CSMD3: variants seen among roughly 807,000 people sequenced by gnomAD.
CSMD3 encodes the protein CUB and sushi domain-containing protein 3.
CSMD3 carries 177 observed loss-of-function variants against 435.2 expected under a neutral mutation model. That is an observed-to-expected ratio of 0.41 (90% confidence interval 0.36 to 0.46). The LOEUF (loss-of-function observed/expected upper bound fraction) is 0.46, where lower values mean the gene tolerates loss of function less well. Among genes scored for constraint, CSMD3 ranks in the 20% least tolerant of loss-of-function variants. CSMD3 has a pLI of 0.34. For missense variants in CSMD3, 4,265 were observed against 4,504.6 expected (o/e 0.95, Z 1.52); for synonymous variants, 1,656 against 1,520.5 (o/e 1.09, Z -2.07).
At chr8:113,222,992 C>G (rs1036370315) in intron 3 of CSMD3, among the ~76,000 whole-genome samples, 63 of 150,686 alleles carry the variant, frequency 4.2e-4, no homozygotes, top group African/African-American at 1.3e-3. Flanking sequence ...AGATCATGTT[C>G]CTCTTGTTTA....
chr8:112,801,243 G>GT lies in CSMD3; in HGVS notation c.1860-970dup, dbSNP rs571679086. On this transcript the variant is annotated intron_variant, in intron 12 of 70. Coordinates refer to ENST00000297405, the MANE Select transcript of CSMD3 (RefSeq NM_198123.2). ...TTTCATTGTAAAAACCTACGAGAGTGTTTAGTCTCTTAAATAGTGGCTCTA... is the reference window on the plus strand; with the variant it reads ...TTTCATTGTAAAAACCTACGAGAGTGTTTTAGTCTCTTAAATAGTGGCTCTA... 1.2e-3 allele frequency among the ~76,000 whole-genome samples: 177 copies of GT among 152,052 alleles called. 2 individuals are homozygous for GT. Among genetic ancestry groups the GT allele is most frequent in the African/African-American group, 4.0e-3 (166 of 41,526 alleles).
chr8:113,059,740 T>C (rs2088520922), intron 5 of CSMD3, among the ~76,000 whole-genome samples: 1 of 152,124 alleles, frequency 6.6e-6, no homozygotes, highest in Non-Finnish European at 1.5e-5. Flanking sequence ...GAAAGTTTGA[T>C]CTATTGGGAA....
At chr8:112,361,488 A>T (rs1329794041) in intron 38 of CSMD3, among the ~76,000 whole-genome samples, 3 of 149,456 alleles carry the variant, frequency 2.0e-5, no homozygotes, top group African/African-American at 7.3e-5. Context: ...CTGTATCAGA[A>T]ATGTTGTTAA....
At chr8:112,595,095 G>T (rs1445368788) in intron 22 of CSMD3, among the ~76,000 whole-genome samples, 2 of 149,766 alleles carry the variant, frequency 1.3e-5, no homozygotes, top group African/African-American at 2.4e-5. Context: ...CAAACCAAAG[G>T]CAAAGAAGTT....
At chr8:112,266,211 G>A (rs1271729242) in intron 59 of CSMD3, among the ~76,000 whole-genome samples, 1 of 152,104 alleles carries the variant, frequency 6.6e-6, no homozygotes, top group Non-Finnish European at 1.5e-5. Context: ...ATCCAACTCT[G>A]ACGATCCTCA....
At chr8:112,433,669 A>AAAAG (rs1554677508) in intron 32 of CSMD3, among the ~76,000 whole-genome samples, 2 of 144,872 alleles carry the variant, frequency 1.4e-5, no homozygotes, top group Admixed American at 6.7e-5. Context: ...AAAAAAAAAA[A>AAAAG]AAAGAAAGAA....
At chr8:113,374,424 T>C (rs958942582) in intron 1 of CSMD3, among the ~76,000 whole-genome samples, 1 of 152,106 alleles carries the variant, frequency 6.6e-6, no homozygotes, top group Non-Finnish European at 1.5e-5. Context: ...CCCAGCTTCC[T>C]TAAATTTTTT....
chr8:112,453,978 G>A (rs1342887477), intron 32 of CSMD3, among the ~76,000 whole-genome samples: 3 of 151,712 alleles, frequency 2.0e-5, no homozygotes, highest in Non-Finnish European at 4.4e-5. Flanking sequence ...AACCAAAGTC[G>A]ACAATAATAA....
intron 11 of CSMD3, among the ~76,000 whole-genome samples, chr8:112,830,702 T>G (rs1454328635): frequency 6.6e-6 from 1 of 151,912 alleles, no homozygotes. Context: ...TTAGTAATAT[T>G]TATAACTATT....
intron 1 of CSMD3, among the ~76,000 whole-genome samples, chr8:113,317,741 A>G (rs917583611): frequency 6.6e-6 from 1 of 152,170 alleles, no homozygotes. Context: ...CATTTTTAAT[A>G]GCGCAGTGTT....
At chr8:113,005,772 T>TA (rs975150825) in intron 6 of CSMD3, among the ~76,000 whole-genome samples, 4 of 152,042 alleles carry the variant, frequency 2.6e-5, no homozygotes, top group African/African-American at 9.7e-5. Context: ...CTCTTATTTT[T>TA]AAAAAATAAT....
intron 1 of CSMD3, among the ~76,000 whole-genome samples, chr8:113,325,785 T>A (rs1361239697): frequency 6.6e-6 from 1 of 152,132 alleles, no homozygotes; most frequent in East Asian, 1.9e-4. Context: ...TCACAGAAAG[T>A]TTCCTAAGTG....
chr8:113,179,106 G>T (rs531562010), intron 3 of CSMD3, among the ~76,000 whole-genome samples: 1 of 151,042 alleles, frequency 6.6e-6, no homozygotes, highest in African/African-American at 2.4e-5. Context: ...GTGATAAAAC[G>T]GATTATCAAA....
chr8:112,379,239 G>A (rs1829243855), intron 38 of CSMD3, among the ~76,000 whole-genome samples: 1 of 152,202 alleles, frequency 6.6e-6, no homozygotes, highest in Admixed American at 6.5e-5. Flanking sequence ...GGAAGTCAAG[G>A]TGGGTGGATC....
At chr8:113,355,722 T>TATATATATA (rs1563737826) in intron 1 of CSMD3, among the ~76,000 whole-genome samples, 1 of 77,796 alleles carries the variant, frequency 1.3e-5, no homozygotes, top group African/African-American at 4.6e-5. Flanking sequence ...AGTTTTATTT[T>TATATATATA]TATATATATA....
rs528056133 is a variant in CSMD3, at chr8:113,075,145, A to G, written c.917+23611T>C. ...TTAATTGACATACCACTTAATGTTA[A>G]TAACACTTGGGTAATACTGAAGATA... is the stretch of plus-strand genomic sequence containing the variant. On this transcript the variant is annotated intron_variant, in intron 5 of 70. Coordinates refer to ENST00000297405, the MANE Select transcript of CSMD3 (RefSeq NM_198123.2). Among the ~76,000 whole-genome samples, 28 of 151,930 alleles carry G rather than the reference A, an allele frequency of 1.8e-4. No homozygotes were observed. The South Asian group carries it at 4.4e-3, about 24-fold the overall frequency.
intron 11 of CSMD3, among the ~76,000 whole-genome samples, chr8:112,832,080 T>C (rs1447622664): frequency 3.9e-5 from 6 of 152,174 alleles, no homozygotes; most frequent in Non-Finnish European, 8.8e-5. Context: ...CATAAAATAA[T>C]AGATAAACAA....
chr8:112,229,141 T>C (rs1809425716), intron 69 of CSMD3, among the ~76,000 whole-genome samples: 1 of 152,122 alleles, frequency 6.6e-6, no homozygotes, highest in Admixed American at 6.5e-5. Flanking sequence ...GTTTATACAA[T>C]AGTGGGAAGA....
At chr8:112,350,956 A>G (rs1826085581) in intron 40 of CSMD3, among the ~76,000 whole-genome samples, 1 of 152,028 alleles carries the variant, frequency 6.6e-6, no homozygotes, top group Admixed American at 6.6e-5. Flanking sequence ...GAAGTTGAGG[A>G]TAAATAAAAA....
Sources: gnomAD v4.1 joint callset for allele counts (sites outside exome capture counted in the v4.1 genomes callset) on GRCh38, gnomAD v4.1.1 for gene constraint, MANE v1.5 for transcripts, NCBI Gene and HGNC (gene_info 2026-07-23, HGNC 2026-07-21) for gene names.